The following MSC variants were observed in gnomAD, a reference collection of about 807,000 sequenced individuals.
MSC encodes musculin, also known as activated B-cell factor 1, homolog of mouse musculin.
MSC carries 16 observed loss-of-function variants against 14.4 expected under a neutral mutation model. The observed-to-expected ratio is 1.11, with a 90% CI of 0.75 to 1.69. The LOEUF (loss-of-function observed/expected upper bound fraction) is 1.69, where lower values mean the gene tolerates loss of function less well. Ranked by LOEUF, MSC falls within the 40% of genes most tolerant of loss-of-function variation. The pLI is 0.00. For missense variants in MSC, 320 were observed against 288.1 expected (o/e 1.11, Z -0.80); for synonymous variants, 165 against 128.5 (o/e 1.28, Z -1.92).
chr8:71,842,712 A>G lies in MSC; in HGVS notation c.570T>C (p.Ser190=). 6.2e-7 allele frequency: 1 copy of G among 1,614,166 alleles called. No homozygotes were observed. Among genetic ancestry groups the G allele is most frequent in the Non-Finnish European group, 8.5e-7 (1 of 1,180,008 alleles). The change falls in exon 2 of 2, where the codon TCT becomes TCC. Residue 190 remains serine (S), a synonymous_variant. Coordinates refer to ENST00000325509, the MANE Select transcript of MSC (RefSeq NM_005098.4). Reference sequence around the variant, plus strand: ...TGGCTGCGGAAACTTCTTTGGTGTCAGAGTCCGGTCTTCCCGAGACCACGA... The same window carrying G: ...TGGCTGCGGAAACTTCTTTGGTGTCGGAGTCCGGTCTTCCCGAGACCACGA... The part of the protein sequence containing the change: ...WPFVVSGRPD[S]DTKEVSAANR...
At chr8:71,843,358 T>C (rs1807433508) in intron 1 of MSC, 1 of 519,076 alleles carries the variant, frequency 1.9e-6, no homozygotes. Context: ...TGGTGGCAGA[T>C]GGAGATGGAA....
intron 1 of MSC, chr8:71,843,133 C>G: frequency 3.0e-6 from 1 of 331,932 alleles, no homozygotes; most frequent in Non-Finnish European, 5.8e-6. Context: ...AGGATTTTTC[C>G]CAAGCCGGGA....
chr8:71,843,196 T>C (rs1291635485), intron 1 of MSC: 1 of 330,398 alleles, frequency 3.0e-6, no homozygotes, highest in East Asian at 8.1e-5. Flanking sequence ...TGGGGAAACG[T>C]TACTATCTTC....
Position 71,842,572 on chromosome 8 carries a change from C to A in MSC, c.*89G>T. ...GTCAAGGAGAATCCAGCGGAAACTT[C>A]TTCCCATCTCACGAGCTCTCCCTTC... On this transcript the variant is annotated 3_prime_UTR_variant, in exon 2 of 2. Transcript: ENST00000325509. 8.0e-7 allele frequency: 1 copy of A among 1,257,492 alleles called. No homozygotes were observed. Among genetic ancestry groups the A allele is most frequent in the South Asian group, 1.2e-5 (1 of 83,488 alleles). 77.9% of individuals were successfully genotyped at this position (1,257,492 alleles called of 1,614,324 possible).
rs758697140 is a variant in MSC at position 71,842,668 on chromosome 8, G to T, written c.614C>A (p.Thr205Asn). 1.2e-6 allele frequency: 2 copies of T among 1,613,982 alleles called. No homozygotes were observed. The highest frequency in any genetic ancestry group is 1.7e-5 in the Admixed American group (1 of 59,996). The change falls in exon 2 of 2, where the codon ACC becomes AAC. Residue 205 changes from threonine (T) to asparagine (N), a missense_variant. By Grantham distance (65) the Thr-to-Asn change is moderately conservative (BLOSUM62 0). Coordinates refer to ENST00000325509, the MANE Select transcript of MSC (RefSeq NM_005098.4). ...AGTGAGTTCCAGTCCGATTTAAGCG[G>T]TGGTTCCACATAGTCTGTTGGCTGC... Reference protein sequence around the residue: ...VSAANRLCGTTA With the variant: ...VSAANRLCGTNA
chr8:71,843,400 C>G, intron 1 of MSC: 1 of 606,868 alleles, frequency 1.6e-6, no homozygotes. Context: ...GGATATTAGT[C>G]AATGGCTGTC....
Position 71,844,006 on chromosome 8 carries a change from C to T in MSC, c.173G>A (p.Arg58His), listed in dbSNP as rs1807453424. Residue 58 changes from arginine (R) to histidine (H), a missense_variant, in exon 1 of 2, where the codon CGC becomes CAC. Physicochemically the swap from Arg to His is conservative, Grantham distance 29 (BLOSUM62 0). Coordinates refer to ENST00000325509, the MANE Select transcript of MSC (RefSeq NM_005098.4). ...EEEDPDGEEERCALGTAGSAE... is the reference protein window; with the variant it reads ...EEEDPDGEEEHCALGTAGSAE... ...GCTGCCGGCTGTGCCCAGAGCGCAG[C>T]GCTCCTCCTCGCCGTCGGGGTCCTC... 3 of 1,569,166 alleles carry T rather than the reference C, an allele frequency of 1.9e-6. No individual in the cohort carries two copies. Among genetic ancestry groups the T allele is most frequent in the Non-Finnish European group, 1.7e-6 (2 of 1,159,082 alleles).
Position 71,844,110 on chromosome 8 carries a change from G to C in MSC, c.69C>G (p.Val23=), listed in dbSNP as rs780202051. ...ELRGLQREYP[V]PASKRPPLRG... ...GGAGGGGCGGCCTCTTGGAGGCGGG[G>C]ACCGGGTACTCCCGCTGCAGCCCCC... The change falls in exon 1 of 2, where the codon GTC becomes GTG. Residue 23 remains valine, a synonymous_variant. Coordinates refer to ENST00000325509, the MANE Select transcript of MSC (RefSeq NM_005098.4). The C allele has an allele frequency of 6.6e-7, 1 of 1,523,224 alleles. No homozygotes were observed. Among genetic ancestry groups the C allele is most frequent in the South Asian group, 1.3e-5 (1 of 76,266 alleles). The allele number at this position is 1,523,224 out of a possible 1,614,324, so 94.4% of individuals were successfully genotyped here.
rs181486064 is a variant in MSC at position 71,841,984 on chromosome 8, C to A, written c.*677G>T. The A allele has an allele frequency of 6.5e-6, 1 of 152,672 alleles. No individual in the cohort carries two copies. 9.5% of individuals were successfully genotyped at this position (152,672 alleles called of 1,614,324 possible). Reference sequence around the variant, plus strand: ...TGGGAAGGAGACGGGATTGAAGAAGCCACCCGGCAGGGAGGCCGAACGGCC... The same window carrying A: ...TGGGAAGGAGACGGGATTGAAGAAGACACCCGGCAGGGAGGCCGAACGGCC... On this transcript the variant is annotated 3_prime_UTR_variant, in exon 2 of 2. Coordinates refer to ENST00000325509, the MANE Select transcript of MSC (RefSeq NM_005098.4).
rs748583374 is a variant in MSC, at chr8:71,844,054, C to T, written c.125G>A (p.Ser42Asn). 5.2e-6 allele frequency: 8 copies of T among 1,541,910 alleles called. No individual in the cohort carries two copies. In the South Asian group the frequency reaches 6.3e-5, roughly 12 times the overall value. ...RGVERSYASP[S>N]DNSSAEEEDP... ...CTCCTCCTCTGCCGACGAGTTGTCA[C>T]TGGGCGAGGCGTAGCTGCGCTCTAC... The change falls in exon 1 of 2, where the codon AGT becomes AAT. Residue 42 changes from serine to asparagine, a missense_variant. Coordinates refer to ENST00000325509, the MANE Select transcript of MSC (RefSeq NM_005098.4).
At position 71,842,408 on chromosome 8, in the gene MSC, G is replaced by C. The variant is rs796101677; in HGVS notation, c.*253C>G. 24 of 471,904 alleles carry C rather than the reference G, an allele frequency of 5.1e-5. No homozygotes were observed. Among genetic ancestry groups the C allele is most frequent in the African/African-American group, 4.5e-4 (23 of 50,688 alleles). 29.2% of individuals were successfully genotyped at this position (471,904 alleles called of 1,614,324 possible). A position where few individuals can be genotyped will look rare whatever the true frequency, so the allele number is the denominator to read the frequency against. ...GGCCCGAGGGTGGACCTGCGTCCGC[G>C]TCTCGTCACGAAAGGAAGCTCTTTT... On this transcript the variant is annotated 3_prime_UTR_variant, in exon 2 of 2. Coordinates refer to ENST00000325509, the MANE Select transcript of MSC (RefSeq NM_005098.4).
rs1807457679 is a variant in MSC, at chr8:71,844,083, G to A, written c.96C>T (p.Arg32=). Residue 32 remains arginine (R), a synonymous_variant, in exon 1 of 2, where the codon CGC becomes CGT. Transcript: ENST00000325509. ...PVPASKRPPL[R]GVERSYASPS... ...GCGAGGCGTAGCTGCGCTCTACGCC[G>A]CGGAGGGGCGGCCTCTTGGAGGCGG... 2 of 1,516,778 alleles carry A rather than the reference G, an allele frequency of 1.3e-6. No homozygotes were observed. The highest frequency in any genetic ancestry group is 2.2e-5 in the Admixed American group (1 of 45,114). The allele number at this position is 1,516,778 out of a possible 1,614,324, so 94.0% of individuals were successfully genotyped here. A position where few individuals can be genotyped will look rare whatever the true frequency, so the allele number is the denominator to read the frequency against.
chr8:71,844,031 C>A lies in MSC; in HGVS notation c.148G>T (p.Glu50Ter). 1.9e-6 allele frequency: 3 copies of A among 1,576,334 alleles called. No individual in the cohort carries two copies. Among genetic ancestry groups the A allele is most frequent in the Non-Finnish European group, 2.6e-6 (3 of 1,163,816 alleles). Residue 50 changes from glutamate to a stop codon, truncating the protein, a stop_gained, in exon 1 of 2, where the codon GAG (glutamate) becomes TAG (stop). Coordinates refer to ENST00000325509, the MANE Select transcript of MSC (RefSeq NM_005098.4). LOFTEE classifies it high-confidence loss of function. Reference sequence around the variant, plus strand: ...CGCTCCTCCTCGCCGTCGGGGTCCTCCTCCTCTGCCGACGAGTTGTCACTG... The same window carrying A: ...CGCTCCTCCTCGCCGTCGGGGTCCTACTCCTCTGCCGACGAGTTGTCACTG... ...SPSDNSSAEEEDPDGEEERCA... is the reference protein window; with the variant it reads ...SPSDNSSAEE
In MSC at chr8:71,843,115, G is replaced by A. The variant is rs1310477421; in HGVS notation, c.535-368C>T. 3 of 342,528 alleles carry A rather than the reference G, an allele frequency of 8.8e-6. No homozygotes were observed. In the East Asian group the frequency reaches 2.2e-4, roughly 25 times the overall value. 21.2% of individuals were successfully genotyped at this position (342,528 alleles called of 1,614,324 possible). A position where few individuals can be genotyped will look rare whatever the true frequency, so the allele number is the denominator to read the frequency against. On this transcript the variant is annotated intron_variant, in intron 1 of 1. Transcript: ENST00000325509. ...ACTCCAAGCTCCAAGTAGGAACTGG[G>A]CTTGGACAGGATTTTTCCCAAGCCG...
Position 71,843,923 on chromosome 8 carries a change from T to C in MSC, c.256A>G (p.Ser86Gly). Residue 86 changes from serine (S) to glycine (G), a missense_variant, in exon 1 of 2, where the codon AGC (serine) becomes GGC (glycine). Transcript: ENST00000325509. ...RVAGGGGAGG[S>G]AGGGGKKPLP... ...GGCTTCTTGCCACCACCGCCCGCGC[T>C]ACCACCTGCGCCGCCGCCCCCAGCC... 1 of 1,574,872 alleles carries C rather than the reference T, an allele frequency of 6.3e-7. No individual in the cohort carries two copies. Among genetic ancestry groups the C allele is most frequent in the Non-Finnish European group, 8.6e-7 (1 of 1,162,398 alleles).
chr8:71,843,458 T>C (rs1272401930), intron 1 of MSC, 187 bp downstream of exon 1: 1 of 758,286 alleles, frequency 1.3e-6, no homozygotes, highest in Non-Finnish European at 2.3e-6. Context: ...GGAGGGTTGA[T>C]TCTTCTTCAG....
rs770335441 is a variant in MSC, at chr8:71,843,566, G to A, written c.534+79C>T. 2.7e-5 allele frequency: 43 copies of A among 1,594,240 alleles called. 1 individual carries two copies. In the Middle Eastern group the frequency reaches 1.2e-3, roughly 43 times the overall value. ...ACCCCTTTCGAATTCTTCCCAACGG[G>A]CTGACCCTGCCCGGCGCCCAGGAGC... On this transcript the variant is annotated intron_variant, in intron 1 of 1. Transcript: ENST00000325509.
chr8:71,842,836 A>C, intron 1 of MSC, 89 bp from the exon 2 acceptor site: 3 of 1,118,806 alleles, frequency 2.7e-6, no homozygotes, highest in Non-Finnish European at 4.1e-6. Context: ...GATATTCCTG[A>C]CTTGGAGTAG....
chr8:71,844,038 T>C lies in MSC; in HGVS notation c.141A>G (p.Ala47=). The C allele has an allele frequency of 6.4e-7, 1 of 1,567,950 alleles. No homozygotes were observed. The highest frequency in any genetic ancestry group is 8.6e-7 in the Non-Finnish European group (1 of 1,159,558). Residue 47 remains alanine (A), a synonymous_variant, in exon 1 of 2, where the codon GCA becomes GCG. Transcript: ENST00000325509. The part of the protein sequence containing the change: ...SYASPSDNSS[A]EEEDPDGEEE... ...CCTCGCCGTCGGGGTCCTCCTCCTCTGCCGACGAGTTGTCACTGGGCGAGG... is the reference window on the plus strand; with the variant it reads ...CCTCGCCGTCGGGGTCCTCCTCCTCCGCCGACGAGTTGTCACTGGGCGAGG...
Sources: gnomAD v4.1 joint callset for allele counts on GRCh38, gnomAD v4.1.1 for gene constraint, MANE v1.5 for transcripts, NCBI Gene and HGNC (gene_info 2026-07-23, HGNC 2026-07-21) for gene names.